The following THNSL1 variants were observed in gnomAD, a reference collection of about 807,000 sequenced individuals.
THNSL1 encodes the protein threonine synthase like 1.
A neutral mutation model predicts 50.4 loss-of-function variants in THNSL1; 48 were observed. That is an observed-to-expected ratio of 0.95 (90% CI 0.76 to 1.21). The LOEUF (loss-of-function observed/expected upper bound fraction) is 1.21, where lower values mean the gene tolerates loss of function less well. THNSL1 is among the 50% of genes most tolerant of loss of function. The pLI, the probability that THNSL1 is intolerant of heterozygous loss-of-function variation, is 0.00. For synonymous variants in THNSL1, 309 were observed against 306.1 expected, an observed-to-expected ratio of 1.01 and a Z score of -0.10; for missense variants, 896 against 871.7, an observed-to-expected ratio of 1.03 and a Z score of -0.35.
Position 25,024,693 on chromosome 10 carries a change from T to C in THNSL1, c.1470T>C (p.Leu490=). 2 of 1,614,250 alleles carry C rather than the reference T, an allele frequency of 1.2e-6. No homozygotes were observed. Among genetic ancestry groups the C allele is most frequent in the Non-Finnish European group, 1.7e-6 (2 of 1,180,046 alleles). The part of the protein sequence containing the change: ...VVYHASAYLD[L]VSQGFISFGS... ...ATCATGCTTCCGCATATCTTGATCT[T>C]GTTAGTCAAGGATTTATTTCTTTTG... The change falls in exon 3 of 3, where the codon CTT becomes CTC. Residue 490 remains leucine (L), a synonymous_variant. Transcript: ENST00000376356.
chr10:24,982,773 G>C, the THNSL1 span: 2 of 152,178 alleles, frequency 1.3e-5, no homozygotes, highest in Admixed American at 1.3e-4. Flanking sequence ...TGAAGGCTCT[G>C]TGAAAGAAAG....
the THNSL1 span, among the ~76,000 whole-genome samples, chr10:24,996,452 G>GTA: frequency 6.9e-6 from 1 of 144,560 alleles, no homozygotes; most frequent in African/African-American, 2.8e-5. Context: ...GTGTGTGTGT[G>GTA]TGTGTATATA....
At chr10:25,017,910 T>G in intron 1 of THNSL1, among the ~76,000 whole-genome samples, 1 of 152,208 alleles carries the variant, frequency 6.6e-6, no homozygotes, top group African/African-American at 2.4e-5. Flanking sequence ...GATAACGCCA[T>G]TAGCCAAGTG....
the THNSL1 span, among the ~76,000 whole-genome samples, chr10:25,000,637 C>A: frequency 6.6e-6 from 1 of 152,056 alleles, no homozygotes; most frequent in South Asian, 2.1e-4. Context: ...AATCAAGCAT[C>A]CCTTTGATTT....
chr10:25,024,632 C>G lies in THNSL1; in HGVS notation c.1409C>G (p.Ser470Cys). The change falls in exon 3 of 3, where the codon TCC (serine) becomes TGC (cysteine). Residue 470 changes from serine (S) to cysteine (C), a missense_variant. Coordinates refer to ENST00000376356, the MANE Select transcript of THNSL1 (RefSeq NM_024838.5). ...GGAACAATCTTAAGTTCGGCTAACTCCATAAACTGGGGCCGACTACTTCCG... is the reference window on the plus strand; with the variant it reads ...GGAACAATCTTAAGTTCGGCTAACTGCATAAACTGGGGCCGACTACTTCCG... ...EYGTILSSANSINWGRLLPQV... is the reference protein window; with the variant it reads ...EYGTILSSANCINWGRLLPQV... 1 of 1,614,236 alleles carries G rather than the reference C, an allele frequency of 6.2e-7. No individual in the cohort carries two copies.
upstream of THNSL1, chr10:25,015,970 AC>A: frequency 6.3e-7 from 1 of 1,589,638 alleles, no homozygotes; most frequent in South Asian, 1.2e-5. Flanking sequence ...GCTACTCTCC[AC>A]AACTTTTTTC....
At chr10:24,975,094 C>A in the THNSL1 span, among the ~76,000 whole-genome samples, 4 of 152,270 alleles carry the variant, frequency 2.6e-5, no homozygotes, top group Middle Eastern at 3.4e-3. Context: ...ATGTGGCCTC[C>A]AGGGTGCTCT....
Position 25,023,197 on chromosome 10 carries a change from T to C in THNSL1, c.-27T>C. 1 of 1,573,008 alleles carries C rather than the reference T, an allele frequency of 6.4e-7. No individual in the cohort carries two copies. The highest frequency in any genetic ancestry group is 8.6e-7 in the Non-Finnish European group (1 of 1,162,300). ...AAAGGGCTAAAGCCAATTTTTAGGT[T>C]GGCTTGGGCAGAAAAGTGAAAAGAG... is the stretch of plus-strand genomic sequence containing the variant. On this transcript the variant is annotated 5_prime_UTR_variant, in exon 3 of 3. Transcript: ENST00000376356.
upstream of THNSL1, among the ~76,000 whole-genome samples, chr10:25,012,213 G>C (rs1308994521): frequency 2.0e-5 from 3 of 151,020 alleles, no homozygotes; most frequent in Non-Finnish European, 4.4e-5. Context: ...TGGATGTCTA[G>C]GCAAAGATGT....
chr10:25,009,416 AG>A, the THNSL1 span, among the ~76,000 whole-genome samples: 1 of 152,232 alleles, frequency 6.6e-6, no homozygotes, highest in African/African-American at 2.4e-5. Flanking sequence ...TTAAAAAATA[AG>A]ATTATGTGAT....
chr10:25,013,668 C>T (rs544628535), upstream of THNSL1, among the ~76,000 whole-genome samples: 2 of 152,284 alleles, frequency 1.3e-5, no homozygotes, highest in Middle Eastern at 3.4e-3. Context: ...ATAGGCCAGG[C>T]GTGGTGGCTC....
chr10:25,005,645 C>A, the THNSL1 span, among the ~76,000 whole-genome samples: 1 of 152,194 alleles, frequency 6.6e-6, no homozygotes, highest in Non-Finnish European at 1.5e-5. Context: ...ACACAGATAT[C>A]CCTTAAGTCC....
At chr10:25,002,699 T>C in the THNSL1 span, among the ~76,000 whole-genome samples, 4 of 152,206 alleles carry the variant, frequency 2.6e-5, no homozygotes, top group Admixed American at 2.0e-4. Context: ...TTCTTCCTTA[T>C]GTAGATAAAT....
upstream of THNSL1, among the ~76,000 whole-genome samples, chr10:25,012,844 G>T (rs1203773249): frequency 4.6e-5 from 7 of 152,176 alleles, no homozygotes; most frequent in East Asian, 1.3e-3. Context: ...GATTGGTTTT[G>T]AAATGTGAGG....
chr10:24,982,331 T>C, the THNSL1 span: 1 of 151,398 alleles, frequency 6.6e-6, no homozygotes, highest in South Asian at 2.1e-4. Context: ...CAGAGGTCTC[T>C]AGTACCTCAG....
At chr10:24,988,622 A>G in the THNSL1 span, among the ~76,000 whole-genome samples, 1 of 105,792 alleles carries the variant, frequency 9.5e-6, no homozygotes, top group South Asian at 3.1e-4. Flanking sequence ...GGAGGATTAT[A>G]GATCTTTAGC....
the THNSL1 span, among the ~76,000 whole-genome samples, chr10:25,002,296 G>A: frequency 2.6e-5 from 4 of 152,226 alleles, no homozygotes; most frequent in South Asian, 6.2e-4. Flanking sequence ...AAGACTTTAG[G>A]GAACTCCTTG....
upstream of THNSL1, among the ~76,000 whole-genome samples, chr10:25,012,903 TCCC>T: frequency 6.6e-6 from 1 of 152,252 alleles, no homozygotes; most frequent in African/African-American, 2.4e-5. Flanking sequence ...TTTGGCTGCA[TCCC>T]CACGCAAATC....
chr10:24,966,748 A>G, the THNSL1 span, among the ~76,000 whole-genome samples: 1 of 152,206 alleles, frequency 6.6e-6, no homozygotes, highest in South Asian at 2.1e-4. Flanking sequence ...TGAATTATTG[A>G]TGGTGAGATC....
Sources: allele counts gnomAD v4.1 joint callset (sites outside exome capture counted in the v4.1 genomes callset), GRCh38; gene constraint gnomAD v4.1.1; transcripts MANE v1.5; gene names NCBI Gene and HGNC (gene_info 2026-07-23, HGNC 2026-07-21).